Variants in INTS6 observed in about 807,000 individuals in gnomAD.
INTS6 encodes DEAD box protein.
A neutral mutation model predicts 104.9 loss-of-function variants in INTS6; 16 were observed. The ratio of observed to expected loss-of-function variants is 0.15; its 90% CI spans 0.10 to 0.23. INTS6 has a LOEUF of 0.23. Among genes scored for constraint, INTS6 ranks in the 10% least tolerant of loss-of-function variants. The pLI, the probability that INTS6 is intolerant of heterozygous loss-of-function variation, is 1.00. For synonymous variants in INTS6, 324 were observed against 358.7 expected (o/e 0.90, Z 1.09); for missense variants, 584 against 1,062.8 (o/e 0.55, Z 6.26).
At position 51,364,476 on chromosome 13, in the gene INTS6, T is replaced by C. The variant is rs776770371; in HGVS notation, c.*1276A>G. 6 of 476,608 alleles carry C rather than the reference T, an allele frequency of 1.3e-5. No homozygotes were observed. The Admixed American group carries it at 1.5e-4, about 12-fold the overall frequency. The allele number at this position is 476,608 out of a possible 1,614,324, so 29.5% of individuals were successfully genotyped here. A position where few individuals can be genotyped will look rare whatever the true frequency, so the allele number is the denominator to read the frequency against. ...ATTTTGCCTACTCTTAATCCAAATCTATTTTGACCTTCTTTTCTACTGCTT... is the reference window on the plus strand; with the variant it reads ...ATTTTGCCTACTCTTAATCCAAATCCATTTTGACCTTCTTTTCTACTGCTT... On this transcript the variant is annotated 3_prime_UTR_variant, in exon 18 of 18. Coordinates refer to ENST00000311234, the MANE Select transcript of INTS6 (RefSeq NM_012141.3).
intron 3 of INTS6, among the ~76,000 whole-genome samples, chr13:51,433,665 T>C (rs1957137285): frequency 1.3e-5 from 2 of 152,316 alleles, no homozygotes; most frequent in East Asian, 1.9e-4. Context: ...AGTTAAAATA[T>C]ATTAAAACTT....
rs200909317 is a variant in INTS6 at position 51,383,477 on chromosome 13, G to C, written c.1048-16C>G. The stretch of plus-strand genomic sequence containing the variant: ...TCACGTACACCTGTTAAAAAGGAGC[G>C]GTTAAAACTTTAATAACCTTTAAAG... On this transcript the variant is annotated splice_polypyrimidine_tract_variant and intron_variant, in intron 8 of 17. Coordinates refer to ENST00000311234, the MANE Select transcript of INTS6 (RefSeq NM_012141.3). The C allele has an allele frequency of 5.0e-6, 8 of 1,609,016 alleles. No homozygotes were observed. The highest frequency in any genetic ancestry group is 6.8e-6 in the Non-Finnish European group (8 of 1,178,216).
At chr13:51,344,481 T>C in the INTS6 span, 1 of 1,571,876 alleles carries the variant, frequency 6.4e-7, no homozygotes, top group African/African-American at 1.4e-5. Context: ...CCAGAGAGAC[T>C]GCAGGTAAAA....
exon 4 of INTS6, chr13:51,354,081 A>C (rs1002820320): frequency 6.6e-6 from 1 of 152,218 alleles, no homozygotes; most frequent in African/African-American, 2.4e-5. Flanking sequence ...AGCAAATATG[A>C]AAATATATTT....
intron 6 of INTS6, among the ~76,000 whole-genome samples, chr13:51,389,013 G>A (rs1252761402): frequency 6.6e-6 from 1 of 152,206 alleles, no homozygotes; most frequent in East Asian, 1.9e-4. Context: ...GCATATATAT[G>A]TTGAGAGGCA....
Position 51,367,792 on chromosome 13 carries a change from A to G in INTS6, c.2570+13T>C, listed in dbSNP as rs1955721847. On this transcript the variant is annotated intron_variant, in intron 17 of 17. Coordinates refer to ENST00000311234, the MANE Select transcript of INTS6 (RefSeq NM_012141.3). Reference sequence around the variant, plus strand: ...TTTCATCACCATTTCATTATATGCAATAGTTTATTTACCTTGATGCTTCTT... The same window carrying G: ...TTTCATCACCATTTCATTATATGCAGTAGTTTATTTACCTTGATGCTTCTT... 2 of 1,405,428 alleles carry G rather than the reference A, an allele frequency of 1.4e-6. No homozygotes were observed. Among genetic ancestry groups the G allele is most frequent in the Non-Finnish European group, 2.0e-6 (2 of 1,003,024 alleles). 87.1% of individuals were successfully genotyped at this position (1,405,428 alleles called of 1,614,324 possible).
rs151245505 is a variant in INTS6, at chr13:51,403,443, G to A, written c.430-7960C>T. ...TAAAAATACAAAAAATTATCCGGGCGTGGTGGCACGTGCCCGTAGTCCCAG... is the reference window on the plus strand; with the variant it reads ...TAAAAATACAAAAAATTATCCGGGCATGGTGGCACGTGCCCGTAGTCCCAG... On this transcript the variant is annotated intron_variant, in intron 4 of 17. Coordinates refer to ENST00000311234, the MANE Select transcript of INTS6 (RefSeq NM_012141.3). 1.2e-3 allele frequency among the ~76,000 whole-genome samples: 177 copies of A among 151,910 alleles called. 1 individual carries two copies. The highest frequency in any genetic ancestry group is 4.1e-3 in the African/African-American group (172 of 41,476).
At chr13:51,431,055 T>C (rs1957081673) in intron 3 of INTS6, among the ~76,000 whole-genome samples, 1 of 152,186 alleles carries the variant, frequency 6.6e-6, no homozygotes, top group Non-Finnish European at 1.5e-5. Context: ...AAATGCTCTA[T>C]ATAGAAGGTG....
At chr13:51,436,290 T>C (rs1952685567) in intron 3 of INTS6, 1 of 152,144 alleles carries the variant, frequency 6.6e-6, no homozygotes. Flanking sequence ...TTTGGTATTC[T>C]AAAATAAAAT....
chr13:51,393,311 C>G (rs1338619795), intron 5 of INTS6, among the ~76,000 whole-genome samples: 1 of 152,192 alleles, frequency 6.6e-6, no homozygotes, highest in African/African-American at 2.4e-5. Context: ...CTCCTGACCT[C>G]AGGTAATCCG....
intron 3 of INTS6, chr13:51,437,122 AAT>A (rs1478389390): frequency 2.6e-5 from 4 of 152,242 alleles, no homozygotes; most frequent in African/African-American, 9.6e-5. Context: ...ACATGTTAGA[AAT>A]ATGTTTTTTA....
intron 16 of INTS6, among the ~76,000 whole-genome samples, chr13:51,368,594 A>G (rs1955738681): frequency 6.6e-6 from 1 of 152,180 alleles, no homozygotes; most frequent in Non-Finnish European, 1.5e-5. Flanking sequence ...CAAGAACTTT[A>G]CAGACATGAA....
chr13:51,358,008 C>G (rs1955506906), downstream of INTS6, among the ~76,000 whole-genome samples: 1 of 152,086 alleles, frequency 6.6e-6, no homozygotes, highest in Non-Finnish European at 1.5e-5. Context: ...TTATGCCACA[C>G]CAGATGTCTG....
At chr13:51,385,640 T>C (rs1368857052) in intron 7 of INTS6, among the ~76,000 whole-genome samples, 1 of 152,202 alleles carries the variant, frequency 6.6e-6, no homozygotes, top group East Asian at 1.9e-4. Context: ...TAACTAATAG[T>C]GCCGTGATTC....
At chr13:51,408,611 AG>A (rs1213217026) in intron 4 of INTS6, among the ~76,000 whole-genome samples, 2 of 152,242 alleles carry the variant, frequency 1.3e-5, no homozygotes, top group African/African-American at 2.4e-5. Context: ...AACCTTCTGT[AG>A]TATGTTATGT....
intron 15 of INTS6, among the ~76,000 whole-genome samples, chr13:51,373,028 C>T (rs905148731): frequency 6.6e-6 from 1 of 152,008 alleles, no homozygotes; most frequent in Non-Finnish European, 1.5e-5. Flanking sequence ...CTTCCGTACC[C>T]CTTTTATTTT....
chr13:51,444,926 T>C (rs544148198), intron 3 of INTS6: 7 of 152,142 alleles, frequency 4.6e-5, no homozygotes, highest in Admixed American at 2.6e-4. Context: ...GGTTTGGGGA[T>C]ATTCCTTCTC....
chr13:51,418,666 T>C (rs1428947624), intron 4 of INTS6, among the ~76,000 whole-genome samples: 1 of 152,218 alleles, frequency 6.6e-6, no homozygotes, highest in Non-Finnish European at 1.5e-5. Context: ...AATTTTTGAT[T>C]AAAAAATCAA....
intron 4 of INTS6, among the ~76,000 whole-genome samples, chr13:51,405,666 T>C (rs888915135): frequency 3.9e-5 from 6 of 152,170 alleles, no homozygotes; most frequent in Non-Finnish European, 2.9e-5. Context: ...TTATTTCCAC[T>C]TCCATGGAAG....
Sources: gnomAD v4.1 joint callset for allele counts (sites outside exome capture counted in the v4.1 genomes callset) on GRCh38, gnomAD v4.1.1 for gene constraint, MANE v1.5 for transcripts, NCBI Gene and HGNC (gene_info 2026-07-23, HGNC 2026-07-21) for gene names.